EPHA6: variants seen among roughly 807,000 people sequenced by gnomAD.
EPHA6 encodes the protein EPH receptor A6, also known as ephrin type-A receptor 6.
Under a neutral mutation model 112.0 loss-of-function variants are expected in EPHA6, and 50 were observed. The observed-to-expected ratio is 0.45, with a 90% confidence interval of 0.36 to 0.56. The LOEUF is 0.56. Among genes scored for constraint, EPHA6 ranks in the 20% least tolerant of loss-of-function variants. The pLI is 0.00. For synonymous variants in EPHA6, 529 were observed against 490.7 expected (o/e 1.08, Z -1.03); for missense variants, 1,280 against 1,417.4 (o/e 0.90, Z 1.56).
intron 1 of EPHA6, among the ~76,000 whole-genome samples, chr3:96,853,473 G>A (rs1307485568): frequency 1.3e-5 from 2 of 151,752 alleles, no homozygotes; most frequent in Admixed American, 6.6e-5. Context: ...TGGCCATAAT[G>A]CATTGACTGT....
intron 8 of EPHA6, among the ~76,000 whole-genome samples, chr3:97,475,737 A>G (rs1413481510): frequency 6.6e-6 from 1 of 152,134 alleles, no homozygotes; most frequent in Non-Finnish European, 1.5e-5. Flanking sequence ...TAATCAAATT[A>G]CATCATAAAA....
At chr3:97,091,814 T>C (rs1165991378) in intron 3 of EPHA6, among the ~76,000 whole-genome samples, 1 of 152,158 alleles carries the variant, frequency 6.6e-6, no homozygotes, top group Non-Finnish European at 1.5e-5. Context: ...CTCAGTCTGG[T>C]GGTATCTTAT....
intron 3 of EPHA6, among the ~76,000 whole-genome samples, chr3:97,047,308 G>A (rs964807253): frequency 1.3e-5 from 2 of 151,844 alleles, no homozygotes; most frequent in African/African-American, 4.8e-5. Context: ...AGACCATCCT[G>A]GCTAACATGG....
chr3:97,512,228 C>T (rs992152670), intron 10 of EPHA6, among the ~76,000 whole-genome samples: 8 of 152,052 alleles, frequency 5.3e-5, no homozygotes, highest in African/African-American at 1.9e-4. Flanking sequence ...AAAATGTCAA[C>T]AATTCTCAAT....
At chr3:97,699,656 C>G (rs1332750167) in intron 14 of EPHA6, among the ~76,000 whole-genome samples, 1 of 152,130 alleles carries the variant, frequency 6.6e-6, no homozygotes, top group Non-Finnish European at 1.5e-5. Context: ...AAACAGTTCC[C>G]AAGTCCAACA....
At chr3:97,025,229 T>C (rs1013469093) in intron 3 of EPHA6, among the ~76,000 whole-genome samples, 2 of 152,182 alleles carry the variant, frequency 1.3e-5, no homozygotes, top group African/African-American at 4.8e-5. Flanking sequence ...ACCATTATTA[T>C]GCAACATTTC....
At chr3:97,595,198 T>G (rs544831514) in intron 12 of EPHA6, among the ~76,000 whole-genome samples, 1 of 152,366 alleles carries the variant, frequency 6.6e-6, no homozygotes, top group Admixed American at 6.5e-5. Flanking sequence ...CAACTGTTTA[T>G]GTTTCTCATT....
At chr3:97,682,900 T>G (rs990102313) in intron 14 of EPHA6, among the ~76,000 whole-genome samples, 1 of 152,198 alleles carries the variant, frequency 6.6e-6, no homozygotes, top group Admixed American at 6.6e-5. Context: ...AACAGAGAGA[T>G]GACCCATCTA....
At chr3:97,211,806 C>T (rs867358577) in intron 3 of EPHA6, among the ~76,000 whole-genome samples, 1 of 152,032 alleles carries the variant, frequency 6.6e-6, no homozygotes, top group African/African-American at 2.4e-5. Flanking sequence ...AATGACAGAG[C>T]GAGTAAACTA....
At position 96,987,591 on chromosome 3, in the gene EPHA6, C is replaced by G. The variant is rs76305083; in HGVS notation, c.712C>G (p.Gln238Glu). The change falls in exon 3 of 18, where the codon CAG (glutamine) becomes GAG (glutamate). Residue 238 changes from glutamine to glutamate, a missense_variant. Around this residue, in one of 4 missense-constraint regions of EPHA6, gnomAD observed 878 missense variants for 999.7 expected, o/e 0.88. Transcript: ENST00000389672. ...CCACGGAATTAAATTCAAGCCAAAC[C>G]AGTATACAAAGATCGACACAATTGC... is the stretch of plus-strand genomic sequence containing the variant. ...ESHGIKFKPN[Q>E]YTKIDTIAAD... 25 of 1,613,746 alleles carry G rather than the reference C, an allele frequency of 1.5e-5. No homozygotes were observed. Among genetic ancestry groups the G allele is most frequent in the Non-Finnish European group, 2.1e-5 (25 of 1,179,836 alleles).
chr3:97,447,732 C>CTAGTTCTGG (rs1363942460), intron 6 of EPHA6: 2 of 1,011,538 alleles, frequency 2.0e-6, no homozygotes, highest in Admixed American at 5.9e-5. Flanking sequence ...TCCAGAATGC[C>CTAGTTCTGG]CTGGCAAGTT....
At chr3:97,031,640 A>T (rs547495333) in intron 3 of EPHA6, among the ~76,000 whole-genome samples, 1 of 152,322 alleles carries the variant, frequency 6.6e-6, no homozygotes, top group Non-Finnish European at 1.5e-5. Flanking sequence ...GGCAAAGGAC[A>T]TGAACAGACA....
intron 3 of EPHA6, among the ~76,000 whole-genome samples, chr3:97,037,863 A>T (rs571970540): frequency 1.3e-5 from 2 of 152,158 alleles, no homozygotes; most frequent in South Asian, 4.1e-4. Context: ...AATGTTGGGT[A>T]AGAGGAGAAA....
At chr3:97,209,169 G>A (rs1394463047) in intron 3 of EPHA6, among the ~76,000 whole-genome samples, 2 of 152,154 alleles carry the variant, frequency 1.3e-5, no homozygotes, top group African/African-American at 2.4e-5. Flanking sequence ...CAATGGAATT[G>A]AGAAGAGATG....
intron 5 of EPHA6, among the ~76,000 whole-genome samples, chr3:97,373,143 G>A (rs1477336140): frequency 3.3e-5 from 5 of 151,950 alleles, no homozygotes; most frequent in African/African-American, 9.7e-5. Context: ...TTTTTTGTTA[G>A]TAATTCCTAT....
intron 13 of EPHA6, among the ~76,000 whole-genome samples, chr3:97,615,021 T>A (rs1440215062): frequency 6.6e-6 from 1 of 151,882 alleles, no homozygotes; most frequent in Non-Finnish European, 1.5e-5. Context: ...CAGAGAGGAA[T>A]GAAAGAGGTG....
intron 12 of EPHA6, among the ~76,000 whole-genome samples, chr3:97,597,577 ATTTC>A (rs2093605225): frequency 1.3e-5 from 2 of 152,206 alleles, no homozygotes; most frequent in African/African-American, 4.8e-5. Flanking sequence ...AACAACCCAG[ATTTC>A]TATAAACCAC....
intron 13 of EPHA6, among the ~76,000 whole-genome samples, chr3:97,631,665 T>C (rs2093903564): frequency 6.6e-6 from 1 of 152,030 alleles, no homozygotes; most frequent in Non-Finnish European, 1.5e-5. Context: ...ATTTGTTTAT[T>C]GTAGGTACCC....
At chr3:97,277,214 G>A (rs1485014428) in intron 5 of EPHA6, among the ~76,000 whole-genome samples, 2 of 152,118 alleles carry the variant, frequency 1.3e-5, no homozygotes, top group African/African-American at 2.4e-5. Context: ...CAGATGGGCT[G>A]AGTCCGAAAA....
Sources: allele counts gnomAD v4.1 joint callset (sites outside exome capture counted in the v4.1 genomes callset), GRCh38; gene constraint gnomAD v4.1.1; regional missense constraint gnomAD v4.1.1; transcripts MANE v1.5; gene names NCBI Gene and HGNC (gene_info 2026-07-23, HGNC 2026-07-21).